ST6GALNAC3: variants seen among roughly 807,000 people sequenced by gnomAD.
ST6GALNAC3 encodes alpha-N-acetylgalactosaminide alpha-2,6-sialyltransferase 3.
Under a neutral mutation model 32.7 loss-of-function variants are expected in ST6GALNAC3, and 25 were observed. The observed-to-expected ratio is 0.76, with a 90% confidence interval of 0.56 to 1.07. The LOEUF (loss-of-function observed/expected upper bound fraction) is 1.07, where lower values mean the gene tolerates loss of function less well. Among genes scored for constraint, ST6GALNAC3 ranks in the 50% least tolerant of loss-of-function variants. ST6GALNAC3 has a pLI of 0.00. For missense variants in ST6GALNAC3, 355 were observed against 382.4 expected (o/e 0.93, Z 0.60); for synonymous variants, 129 against 133.1 (o/e 0.97, Z 0.21).
At chr1:76,365,484 C>T (rs6669109) in intron 2 of ST6GALNAC3, among the ~76,000 whole-genome samples, 150,135 of 152,346 alleles carry the variant, frequency 0.99, 74,024 homozygotes, top group Middle Eastern at 1. Flanking sequence ...AATAAAATAA[C>T]ATTTCAAATT....
rs76540745 is a variant in ST6GALNAC3, at chr1:76,567,690, A to G, written c.624-59762A>G. 3.0e-4 allele frequency among the ~76,000 whole-genome samples: 45 copies of G among 152,332 alleles called. No individual in the cohort carries two copies. In the East Asian group the frequency reaches 6.9e-3, roughly 23 times the overall value. Reference sequence around the variant, plus strand: ...CAAATCATACTGGTACTTATGAGAAATAGATATCTCTTGTGAGTCCTTATA... The same window carrying G: ...CAAATCATACTGGTACTTATGAGAAGTAGATATCTCTTGTGAGTCCTTATA... On this transcript the variant is annotated intron_variant, in intron 3 of 4. Coordinates refer to ENST00000328299, the MANE Select transcript of ST6GALNAC3 (RefSeq NM_152996.4).
chr1:76,554,333 A>G (rs1160749980), intron 3 of ST6GALNAC3, among the ~76,000 whole-genome samples: 1 of 152,188 alleles, frequency 6.6e-6, no homozygotes, highest in Non-Finnish European at 1.5e-5. Context: ...ATGTAATTAG[A>G]GTTCCAGATA....
intron 1 of ST6GALNAC3, 43 bp from the exon 2 acceptor site, chr1:76,313,762 G>A (rs767773207): frequency 6.2e-7 from 1 of 1,605,494 alleles, no homozygotes. Context: ...GCCTTTGGTT[G>A]AAAGTCATTC....
intron 2 of ST6GALNAC3, among the ~76,000 whole-genome samples, chr1:76,344,169 G>A (rs974703026): frequency 2.0e-5 from 3 of 152,218 alleles, no homozygotes; most frequent in African/African-American, 7.2e-5. Flanking sequence ...GAGTACCCAG[G>A]AATGGCCTTG....
rs376704312 is a variant in ST6GALNAC3, at chr1:76,564,775, C to G, written c.624-62677C>G. Among the ~76,000 whole-genome samples, 30 of 151,998 alleles carry G rather than the reference C, an allele frequency of 2.0e-4. No individual in the cohort carries two copies. In the East Asian group the frequency reaches 4.9e-3, roughly 25 times the overall value. On this transcript the variant is annotated intron_variant, in intron 3 of 4. Coordinates refer to ENST00000328299, the MANE Select transcript of ST6GALNAC3 (RefSeq NM_152996.4). ...TAATTTTTTGTATTTTTAGTAGAGA[C>G]GGGGTTTCACCGTTAGCCAGGATGG... is the stretch of plus-strand genomic sequence containing the variant.
chr1:76,145,141 G>A (rs1650595802), intron 1 of ST6GALNAC3, among the ~76,000 whole-genome samples: 1 of 152,132 alleles, frequency 6.6e-6, no homozygotes, highest in African/African-American at 2.4e-5. Context: ...CCCTCACACT[G>A]TTATTACAGT....
In ST6GALNAC3 at chr1:76,294,027, A is replaced by G. The variant is rs953010897; in HGVS notation, c.19-19778A>G. Reference sequence around the variant, plus strand: ...GAGCATGTAGACTTCCTTTGCACTCACTAAGAAAGCACTCTTTTTAACGAG... The same window carrying G: ...GAGCATGTAGACTTCCTTTGCACTCGCTAAGAAAGCACTCTTTTTAACGAG... On this transcript the variant is annotated intron_variant, in intron 1 of 4. Coordinates refer to ENST00000328299, the MANE Select transcript of ST6GALNAC3 (RefSeq NM_152996.4). 3.3e-5 allele frequency among the ~76,000 whole-genome samples: 5 copies of G among 152,196 alleles called. No homozygotes were observed. In the South Asian group the frequency reaches 1.0e-3, roughly 32 times the overall value.
chr1:76,310,758 G>A (rs944277528), intron 1 of ST6GALNAC3, among the ~76,000 whole-genome samples: 12 of 152,108 alleles, frequency 7.9e-5, no homozygotes, highest in African/African-American at 1.9e-4. Context: ...CCTTAAGTTC[G>A]AAGAAGAATC....
intron 1 of ST6GALNAC3, among the ~76,000 whole-genome samples, chr1:76,164,152 T>C (rs1193479301): frequency 1.3e-5 from 2 of 152,214 alleles, no homozygotes; most frequent in Non-Finnish European, 2.9e-5. Context: ...AAGTGGGCTC[T>C]GTGATACTGA....
chr1:76,373,620 C>A (rs1440372118), intron 2 of ST6GALNAC3, among the ~76,000 whole-genome samples: 1 of 152,096 alleles, frequency 6.6e-6, no homozygotes, highest in Non-Finnish European at 1.5e-5. Context: ...TAATAGATTT[C>A]TTCTTCCAGT....
rs369681263 is a variant in ST6GALNAC3 at position 76,349,783 on chromosome 1, T to C, written c.213+35784T>C. 1.0e-3 allele frequency among the ~76,000 whole-genome samples: 152 copies of C among 152,328 alleles called. 1 individual carries two copies. Among genetic ancestry groups the C allele is most frequent in the African/African-American group, 3.4e-3 (143 of 41,594 alleles). ...CCTTCCCAAAGTTGGATCATTATGTTAGCATTTTGGTTCTTCTGTTGTTTC... is the reference window on the plus strand; with the variant it reads ...CCTTCCCAAAGTTGGATCATTATGTCAGCATTTTGGTTCTTCTGTTGTTTC... On this transcript the variant is annotated intron_variant, in intron 2 of 4. Coordinates refer to ENST00000328299, the MANE Select transcript of ST6GALNAC3 (RefSeq NM_152996.4).
chr1:76,573,097 C>G (rs1319648361), intron 3 of ST6GALNAC3, among the ~76,000 whole-genome samples: 1 of 151,982 alleles, frequency 6.6e-6, no homozygotes, highest in African/African-American at 2.4e-5. Flanking sequence ...TAGGCTTAAT[C>G]ATTTTATTTG....
At chr1:76,189,240 A>G (rs1167255876) in intron 1 of ST6GALNAC3, among the ~76,000 whole-genome samples, 3 of 152,238 alleles carry the variant, frequency 2.0e-5, no homozygotes, top group Non-Finnish European at 4.4e-5. Context: ...TTGTGTGCTC[A>G]TATTCATGCA....
chr1:76,468,327 G>A (rs1224664533), intron 3 of ST6GALNAC3, among the ~76,000 whole-genome samples: 2 of 152,048 alleles, frequency 1.3e-5, no homozygotes, highest in Non-Finnish European at 2.9e-5. Context: ...TGTGATTTAA[G>A]TAGCTACTTG....
At chr1:76,293,640 C>T (rs1048600624) in intron 1 of ST6GALNAC3, among the ~76,000 whole-genome samples, 14 of 152,144 alleles carry the variant, frequency 9.2e-5, no homozygotes, top group African/African-American at 3.1e-4. Flanking sequence ...ATGCAAGAAA[C>T]ATTTAAACAT....
In ST6GALNAC3 at chr1:76,197,656, A is replaced by G. The variant is rs1281848864; in HGVS notation, c.19-116149A>G. Among the ~76,000 whole-genome samples, 5 of 152,178 alleles carry G rather than the reference A, an allele frequency of 3.3e-5. No homozygotes were observed. In the East Asian group the frequency reaches 9.6e-4, roughly 29 times the overall value. Reference sequence around the variant, plus strand: ...GCAGCACACACCACTGTCTTTGAGAAGAAGTTTAATTTGGCTGGTTCACTG... The same window carrying G: ...GCAGCACACACCACTGTCTTTGAGAGGAAGTTTAATTTGGCTGGTTCACTG... On this transcript the variant is annotated intron_variant, in intron 1 of 4. Coordinates refer to ENST00000328299, the MANE Select transcript of ST6GALNAC3 (RefSeq NM_152996.4).
At chr1:76,605,471 A>C (rs768479760) in intron 3 of ST6GALNAC3, among the ~76,000 whole-genome samples, 1 of 152,188 alleles carries the variant, frequency 6.6e-6, no homozygotes, top group African/African-American at 2.4e-5. Flanking sequence ...AAATGGGAGA[A>C]ATTTTTTGCA....
chr1:76,569,281 C>T (rs933719418), intron 3 of ST6GALNAC3, among the ~76,000 whole-genome samples: 5 of 152,198 alleles, frequency 3.3e-5, no homozygotes, highest in Non-Finnish European at 5.9e-5. Context: ...GTACAAAATA[C>T]GTTCAGTAAA....
At chr1:76,094,838 C>T (rs1383349492) in intron 1 of ST6GALNAC3, among the ~76,000 whole-genome samples, 1 of 152,090 alleles carries the variant, frequency 6.6e-6, no homozygotes, top group Non-Finnish European at 1.5e-5. Flanking sequence ...AATACCTTCT[C>T]CCTGCTCTTT....
Sources: allele counts gnomAD v4.1 joint callset (sites outside exome capture counted in the v4.1 genomes callset), GRCh38; gene constraint gnomAD v4.1.1; transcripts MANE v1.5; gene names NCBI Gene and HGNC (gene_info 2026-07-23, HGNC 2026-07-21).